The following TOP1 variants were observed in gnomAD, a reference collection of about 807,000 sequenced individuals.
TOP1 encodes DNA topoisomerase 1.
In TOP1, 10 loss-of-function variants were observed where a neutral mutation model predicts 111.1. The observed-to-expected ratio is 0.09, with a 90% CI of 0.06 to 0.15. TOP1 has a LOEUF of 0.15. Among genes scored for constraint, TOP1 ranks in the 10% least tolerant of loss-of-function variants. The pLI, the probability that TOP1 is intolerant of heterozygous loss-of-function variation, is 1.00. For synonymous variants in TOP1, 271 were observed against 302.9 expected, an observed-to-expected ratio of 0.89 and a Z score of 1.10; for missense variants, 474 against 926.7, an observed-to-expected ratio of 0.51 and a Z score of 6.34.
rs566017899 is a variant in TOP1 at position 41,110,113 on chromosome 20, A to G, written c.1309-2669A>G. Reference sequence around the variant, plus strand: ...ACCAGCCTGGCCAACATGGCGAAACACCGTCTCTACAAAAAAATACAAAAA... The same window carrying G: ...ACCAGCCTGGCCAACATGGCGAAACGCCGTCTCTACAAAAAAATACAAAAA... On this transcript the variant is annotated intron_variant, in intron 13 of 20. Coordinates refer to ENST00000361337, the MANE Select transcript of TOP1 (RefSeq NM_003286.4). This position sits in a 1 kb window ranked among gnomAD's most constrained non-coding sequence, Gnocchi z 4.2. Among the ~76,000 whole-genome samples the G allele has an allele frequency of 9.2e-5, 14 of 152,124 alleles. No individual in the cohort carries two copies. The East Asian group carries it at 2.3e-3, about 25-fold the overall frequency.
intron 9 of TOP1, among the ~76,000 whole-genome samples, chr20:41,096,182 T>G (rs1441492495): frequency 6.6e-6 from 1 of 152,228 alleles, no homozygotes; most frequent in Non-Finnish European, 1.5e-5. Flanking sequence ...TTCTCATGCC[T>G]CAGCCTCCTG....
At chr20:41,035,584 A>G (rs2033175130) in intron 2 of TOP1, among the ~76,000 whole-genome samples, 1 of 152,206 alleles carries the variant, frequency 6.6e-6, no homozygotes, top group African/African-American at 2.4e-5. Context: ...ACGTTTTCCT[A>G]TATTTTAAGA....
In TOP1 at chr20:41,110,351, C is replaced by G. The variant is rs144256310; in HGVS notation, c.1309-2431C>G. Among the ~76,000 whole-genome samples, 199 of 152,198 alleles carry G rather than the reference C, an allele frequency of 1.3e-3. No individual in the cohort carries two copies. The Middle Eastern group carries it at 0.014, about 10-fold the overall frequency. On this transcript the variant is annotated intron_variant, in intron 13 of 20. Transcript: ENST00000361337. The surrounding 1 kb of genome is among the most constrained non-coding windows in gnomAD (Gnocchi z 4.2). ...TATTGTATGATTCTATTTATATAAT[C>G]TAGACTAGGCAAAATTTATCCATGA...
rs1472541841 is a variant in TOP1, at chr20:41,109,787, T to C, written c.1309-2995T>C. Among the ~76,000 whole-genome samples the C allele has an allele frequency of 1.3e-5, 2 of 152,232 alleles. No homozygotes were observed. Among genetic ancestry groups the C allele is most frequent in the Non-Finnish European group, 2.9e-5 (2 of 68,034 alleles). On this transcript the variant is annotated intron_variant, in intron 13 of 20. Transcript: ENST00000361337. This position sits in a 1 kb window ranked among gnomAD's most constrained non-coding sequence, Gnocchi z 4.1. ...GAGATACGAATTCCAGTTCTAGGTA[T>C]TTTTACCTCAAGTGAAATAAAAACA...
At chr20:41,047,568 A>C (rs1040605292) in intron 2 of TOP1, among the ~76,000 whole-genome samples, 3 of 152,266 alleles carry the variant, frequency 2.0e-5, no homozygotes, top group African/African-American at 7.2e-5. Flanking sequence ...TTCATGACAC[A>C]GGAAAATCAT....
intron 13 of TOP1, among the ~76,000 whole-genome samples, chr20:41,111,861 G>A (rs1225121231): frequency 6.6e-6 from 1 of 151,954 alleles, no homozygotes; most frequent in East Asian, 1.9e-4. Flanking sequence ...CCTGCTTCTG[G>A]ATTTCTTGAA....
chr20:41,047,243 C>T (rs574601034), intron 2 of TOP1, among the ~76,000 whole-genome samples: 2 of 152,342 alleles, frequency 1.3e-5, no homozygotes, highest in African/African-American at 4.8e-5. Context: ...AACAAGATTT[C>T]TGTCAACAAT....
At chr20:41,070,778 C>G (rs764278322) in intron 3 of TOP1, among the ~76,000 whole-genome samples, 4 of 152,180 alleles carry the variant, frequency 2.6e-5, no homozygotes, top group African/African-American at 7.2e-5. Flanking sequence ...CTCCTTCTAC[C>G]TTTAACAGTG....
In TOP1 at chr20:41,084,486, AATAAAG is replaced by A. The variant is rs766090739; in HGVS notation, c.544_549del (p.Asp182_Lys183del). On this transcript the variant is annotated inframe_deletion, in exon 8 of 21. Transcript: ENST00000361337. ...GGATGGTAAATTGAAAAAACCCAAG[AATAAAG>A]ATAAAGATAAAAAAGTTCCTGAGCC... 1.1e-5 allele frequency: 18 copies of A among 1,570,226 alleles called. No individual in the cohort carries two copies. Among genetic ancestry groups the A allele is most frequent in the African/African-American group, 5.5e-5 (4 of 73,012 alleles).
At position 41,123,163 on chromosome 20, in the gene TOP1, TA is replaced by T; in HGVS notation, c.2196-30del. ...GATATGGGCCATTGCTGAGTCACCC[TA>T]ATCCCCCCCTTATTTCTCCTTTGTT... is the stretch of plus-strand genomic sequence containing the variant. On this transcript the variant is annotated intron_variant, in intron 20 of 20. Transcript: ENST00000361337. The surrounding 1 kb of genome is among the most constrained non-coding windows in gnomAD (Gnocchi z 5.8). The T allele has an allele frequency of 6.6e-7, 1 of 1,521,560 alleles. No individual in the cohort carries two copies. Among genetic ancestry groups the T allele is most frequent in the Non-Finnish European group, 9.1e-7 (1 of 1,096,474 alleles). The allele number at this position is 1,521,560 out of a possible 1,614,324, so 94.3% of individuals were successfully genotyped here. A position where few individuals can be genotyped will look rare whatever the true frequency, so the allele number is the denominator to read the frequency against.
intron 8 of TOP1, among the ~76,000 whole-genome samples, chr20:41,091,825 A>G (rs1428765998): frequency 1.3e-5 from 2 of 151,976 alleles, no homozygotes; most frequent in Non-Finnish European, 2.9e-5. Context: ...CGGCCTCCCA[A>G]AGTGCTGGGA....
intron 2 of TOP1, among the ~76,000 whole-genome samples, chr20:41,045,138 A>C (rs2033318070): frequency 6.6e-6 from 1 of 152,140 alleles, no homozygotes; most frequent in Non-Finnish European, 1.5e-5. Flanking sequence ...GGACCAAAGA[A>C]CTTAATTATT....
At position 41,061,340 on chromosome 20, in the gene TOP1, A is replaced by G; in HGVS notation, c.59-54A>G. On this transcript the variant is annotated intron_variant, in intron 2 of 20. Transcript: ENST00000361337. This position sits in a 1 kb window ranked among gnomAD's most constrained non-coding sequence, Gnocchi z 4.6. ...TCTTGACCAGCTTGTCAAGGTAGGC[A>G]TACAGAAGATAGCTCATGACTCCTG... is the stretch of plus-strand genomic sequence containing the variant. 2 of 1,542,078 alleles carry G rather than the reference A, an allele frequency of 1.3e-6. No homozygotes were observed. Among genetic ancestry groups the G allele is most frequent in the Non-Finnish European group, 1.8e-6 (2 of 1,119,018 alleles).
intron 2 of TOP1, among the ~76,000 whole-genome samples, chr20:41,035,817 T>C (rs1374492123): frequency 6.6e-6 from 1 of 152,208 alleles, no homozygotes; most frequent in Non-Finnish European, 1.5e-5. Context: ...AATGCCCAGA[T>C]TTATAAAGCT....
chr20:41,038,036 C>G (rs1225486350), intron 2 of TOP1, among the ~76,000 whole-genome samples: 2 of 152,192 alleles, frequency 1.3e-5, no homozygotes, highest in Non-Finnish European at 2.9e-5. Flanking sequence ...TGTTAATGCT[C>G]TGTAGCTCCA....
At chr20:41,085,368 C>T (rs1456794165) in intron 8 of TOP1, among the ~76,000 whole-genome samples, 2 of 152,164 alleles carry the variant, frequency 1.3e-5, no homozygotes, top group Admixed American at 6.5e-5. Flanking sequence ...AACAGGCATT[C>T]GCCTTCCCTA....
In TOP1 at chr20:41,058,512, C is replaced by G. The variant is rs2033502232; in HGVS notation, c.59-2882C>G. Among the ~76,000 whole-genome samples the G allele has an allele frequency of 6.6e-6, 1 of 152,224 alleles. No individual in the cohort carries two copies. The highest frequency in any genetic ancestry group is 1.5e-5 in the Non-Finnish European group (1 of 68,042). ...ATTGGCAGGAAGCTTAAGTTTCTTA[C>G]TACATGGGCCTTTCCAGAGGGCTTC... is the stretch of plus-strand genomic sequence containing the variant. On this transcript the variant is annotated intron_variant, in intron 2 of 20. Coordinates refer to ENST00000361337, the MANE Select transcript of TOP1 (RefSeq NM_003286.4). The surrounding 1 kb of genome is among the most constrained non-coding windows in gnomAD (Gnocchi z 4.2).
chr20:41,087,966 T>C (rs1282460751), intron 8 of TOP1, among the ~76,000 whole-genome samples: 17 of 152,218 alleles, frequency 1.1e-4, no homozygotes, highest in Admixed American at 1.1e-3. Context: ...GGCGGATATA[T>C]GCACTCATGG....
In TOP1 at chr20:41,083,936, T is replaced by A. The variant is rs2145940055; in HGVS notation, c.508-526T>A. Reference sequence around the variant, plus strand: ...AATACCACCATAGGAATTGGTGTCATTTTAGAACCTATCAAATACTTGCTT... The same window carrying A: ...AATACCACCATAGGAATTGGTGTCAATTTAGAACCTATCAAATACTTGCTT... On this transcript the variant is annotated intron_variant, in intron 7 of 20. Transcript: ENST00000361337. The surrounding 1 kb of genome is among the most constrained non-coding windows in gnomAD (Gnocchi z 7.2). 6.6e-6 allele frequency among the ~76,000 whole-genome samples: 1 copy of A among 152,280 alleles called. No individual in the cohort carries two copies. The highest frequency in any genetic ancestry group is 2.4e-5 in the African/African-American group (1 of 41,568).
Sources: allele counts gnomAD v4.1 joint callset (sites outside exome capture counted in the v4.1 genomes callset), GRCh38; gene constraint gnomAD v4.1.1; non-coding constraint Gnocchi (gnomAD v3.1); transcripts MANE v1.5; gene names NCBI Gene and HGNC (gene_info 2026-07-23, HGNC 2026-07-21).